TBCK: variants seen among roughly 807,000 people sequenced by gnomAD.
TBCK encodes TBC1 domain containing kinase.
Under a neutral mutation model 113.4 loss-of-function variants are expected in TBCK, and 99 were observed. The ratio of observed to expected loss-of-function variants is 0.87; its 90% CI spans 0.74 to 1.03. The LOEUF (loss-of-function observed/expected upper bound fraction) is 1.03. Ranked by LOEUF, TBCK falls within the 50% of genes least tolerant of loss-of-function variation. The probability of loss-of-function intolerance (pLI) is 0.00; values close to 1 mark genes in which losing one functional copy is unlikely to be tolerated. For missense variants in TBCK, 1,045 were observed against 1,061.3 expected, an observed-to-expected ratio of 0.98 and a Z score of 0.21; for synonymous variants, 369 against 370.8, an observed-to-expected ratio of 1.00 and a Z score of 0.05.
At chr4:106,256,049 C>T (rs2150078874) in intron 5 of TBCK, among the ~76,000 whole-genome samples, 1 of 152,290 alleles carries the variant, frequency 6.6e-6, no homozygotes, top group South Asian at 2.1e-4. Flanking sequence ...AGCTGGCCAT[C>T]CATCATCTGC....
At chr4:106,205,653 T>C (rs1210232126) in intron 20 of TBCK, among the ~76,000 whole-genome samples, 7 of 145,816 alleles carry the variant, frequency 4.8e-5, no homozygotes, top group African/African-American at 1.8e-4. Context: ...GTAATCCCAG[T>C]TACTTGGGAG....
chr4:106,062,532 G>T (rs1175402762), intron 25 of TBCK, among the ~76,000 whole-genome samples: 1 of 151,854 alleles, frequency 6.6e-6, no homozygotes, highest in African/African-American at 2.4e-5. Context: ...GCCCTGAAAA[G>T]AATGTATACA....
chr4:106,054,366 C>T (rs938925009), intron 25 of TBCK, among the ~76,000 whole-genome samples: 2 of 151,620 alleles, frequency 1.3e-5, no homozygotes, highest in South Asian at 4.1e-4. Context: ...GAATGATTCT[C>T]TTAAAATATG....
At chr4:106,089,602 G>A (rs1739967761) in intron 25 of TBCK, among the ~76,000 whole-genome samples, 4 of 152,164 alleles carry the variant, frequency 2.6e-5, no homozygotes, top group Admixed American at 2.6e-4. Context: ...TTGATCCTAT[G>A]AGCCTGTGAG....
intron 19 of TBCK, among the ~76,000 whole-genome samples, chr4:106,221,058 A>ATAAT (rs1312807558): frequency 6.6e-6 from 1 of 152,246 alleles, no homozygotes; most frequent in Non-Finnish European, 1.5e-5. Context: ...TCTGATAAAA[A>ATAAT]TAATTACTAT....
intron 20 of TBCK, among the ~76,000 whole-genome samples, chr4:106,211,105 TTC>T (rs1323489937): frequency 6.6e-6 from 1 of 152,186 alleles, no homozygotes; most frequent in Non-Finnish European, 1.5e-5. Flanking sequence ...CATAAATGTT[TTC>T]TGTTTCTGTT....
chr4:106,176,968 T>G (rs1214085830), intron 22 of TBCK, among the ~76,000 whole-genome samples: 1 of 151,652 alleles, frequency 6.6e-6, no homozygotes, highest in Non-Finnish European at 1.5e-5. Flanking sequence ...GTGTTTTTTT[T>G]TTTTTTAAAT....
chr4:106,315,463 T>C (rs935482424), intron 1 of TBCK: 1 of 152,214 alleles, frequency 6.6e-6, no homozygotes, highest in Non-Finnish European at 1.5e-5. Flanking sequence ...GTTATTTTTG[T>C]CTCAAATAGA....
chr4:106,122,466 T>C (rs1030680941), intron 23 of TBCK, among the ~76,000 whole-genome samples: 4 of 152,122 alleles, frequency 2.6e-5, no homozygotes, highest in Admixed American at 6.5e-5. Flanking sequence ...ACTGGTACCA[T>C]TCCTTCTGAA....
chr4:106,302,332 G>C (rs534655653), intron 2 of TBCK, among the ~76,000 whole-genome samples: 1 of 152,036 alleles, frequency 6.6e-6, no homozygotes, highest in East Asian at 1.9e-4. Flanking sequence ...TCAGTAGAAC[G>C]ATTACAGTTT....
intron 19 of TBCK, among the ~76,000 whole-genome samples, chr4:106,229,110 A>G (rs1758564800): frequency 6.6e-6 from 1 of 151,870 alleles, no homozygotes; most frequent in African/African-American, 2.4e-5. Context: ...TTTTTTCTAT[A>G]GAGTTATCTG....
chr4:106,216,952 G>T (rs1757016945), intron 19 of TBCK, among the ~76,000 whole-genome samples: 1 of 152,108 alleles, frequency 6.6e-6, no homozygotes, highest in African/African-American at 2.4e-5. Flanking sequence ...GATGAACATT[G>T]ATGCAAAAAT....
intron 24 of TBCK, among the ~76,000 whole-genome samples, chr4:106,114,595 T>C (rs555870096): frequency 1.3e-5 from 2 of 152,286 alleles, no homozygotes; most frequent in Admixed American, 1.3e-4. Context: ...TAGCCCGCTT[T>C]TTCACTGGAT....
chr4:106,096,326 G>A lies in TBCK; in HGVS notation c.2412-685C>T, dbSNP rs551471812. ...AAAACTGAAAGTACTTTTATTTTCA[G>A]TAAAGATCTACTTAAAATGAAAATT... On this transcript the variant is annotated intron_variant, in intron 24 of 25. Coordinates refer to ENST00000394708, the MANE Select transcript of TBCK (RefSeq NM_001163435.3). Among the ~76,000 whole-genome samples the A allele has an allele frequency of 3.0e-4, 46 of 152,192 alleles. No individual in the cohort carries two copies. The South Asian group carries it at 9.3e-3, about 31-fold the overall frequency.
intron 12 of TBCK, among the ~76,000 whole-genome samples, chr4:106,241,928 G>GT (rs1287654366): frequency 2.6e-5 from 4 of 151,786 alleles, no homozygotes; most frequent in African/African-American, 9.7e-5. Context: ...GAATCAAAAA[G>GT]TTGAAGGAAA....
chr4:106,209,319 CCACT>C lies in TBCK; in HGVS notation c.1860+3427_1860+3430del, dbSNP rs1488909593. Among the ~76,000 whole-genome samples, 4 of 152,240 alleles carry C rather than the reference CCACT, an allele frequency of 2.6e-5. No homozygotes were observed. In the East Asian group the frequency reaches 7.7e-4, roughly 29 times the overall value. ...AGCACACTTAACACCAATGTACTCT[CCACT>C]CAGATTTAACAAGCATTAACATTTT... On this transcript the variant is annotated intron_variant, in intron 20 of 25. Transcript: ENST00000394708.
At chr4:106,063,610 A>C (rs1020083399) in intron 25 of TBCK, among the ~76,000 whole-genome samples, 10 of 151,902 alleles carry the variant, frequency 6.6e-5, no homozygotes, top group African/African-American at 2.4e-4. Flanking sequence ...TGACAGGGCT[A>C]AAGAGAGAAG....
intron 3 of TBCK, among the ~76,000 whole-genome samples, chr4:106,273,918 C>T (rs1188170404): frequency 2.0e-5 from 3 of 152,216 alleles, no homozygotes; most frequent in African/African-American, 7.2e-5. Context: ...AATGTTCCAA[C>T]TTTCCATCAC....
intron 10 of TBCK, among the ~76,000 whole-genome samples, chr4:106,246,771 G>C (rs1408033401): frequency 2.6e-5 from 4 of 152,092 alleles, no homozygotes; most frequent in African/African-American, 9.7e-5. Context: ...GTTAGGCTCT[G>C]ATATTATCCA....
Sources: gnomAD v4.1 joint callset for allele counts (sites outside exome capture counted in the v4.1 genomes callset) on GRCh38, gnomAD v4.1.1 for gene constraint, MANE v1.5 for transcripts, NCBI Gene and HGNC (gene_info 2026-07-23, HGNC 2026-07-21) for gene names.